The following CCDC102A variants were observed in gnomAD, a reference collection of about 807,000 sequenced individuals.
The protein encoded by CCDC102A is coiled-coil domain-containing protein 102A.
Under a neutral mutation model 55.5 loss-of-function variants are expected in CCDC102A, and 40 were observed. The observed-to-expected ratio is 0.72, with a 90% CI of 0.56 to 0.94. The LOEUF is 0.94. Among genes scored for constraint, CCDC102A ranks in the 40% least tolerant of loss-of-function variants. The pLI is 0.00. For synonymous variants in CCDC102A, 323 were observed against 339.0 expected (o/e 0.95, Z 0.52); for missense variants, 779 against 768.6 (o/e 1.01, Z -0.16).
chr16:57,527,578 C>A (rs1275556068), intron 2 of CCDC102A, among the ~76,000 whole-genome samples: 4 of 152,140 alleles, frequency 2.6e-5, no homozygotes, highest in Non-Finnish European at 5.9e-5. Flanking sequence ...CACCAGCATG[C>A]CCGACTAATT....
intron 1 of CCDC102A, among the ~76,000 whole-genome samples, chr16:57,533,349 G>A (rs529590847): frequency 6.6e-6 from 1 of 152,032 alleles, no homozygotes; most frequent in Non-Finnish European, 1.5e-5. Flanking sequence ...AGCACACCAG[G>A]AATCCTGCAC....
rs141272360 is a variant in CCDC102A, at chr16:57,526,012, C to G, written c.701G>C (p.Arg234Pro). 6.2e-6 allele frequency: 10 copies of G among 1,604,858 alleles called. No individual in the cohort carries two copies. The African/African-American group carries it at 1.3e-4, about 22-fold the overall frequency. Reference protein sequence around the residue: ...GPRGSSGRQERSRLPWEDTAA... With the variant: ...GPRGSSGRQEPSRLPWEDTAA... Reference sequence around the variant, plus strand: ...TGTGTCCTCCCAGGGTAGCCGGCTGCGCTCCTGGCGGCCTGAGCTGCCCCG... The same window carrying G: ...TGTGTCCTCCCAGGGTAGCCGGCTGGGCTCCTGGCGGCCTGAGCTGCCCCG... Residue 234 changes from arginine to proline, a missense_variant, in exon 3 of 9, where the codon CGC (arginine) becomes CCC (proline). Coordinates refer to ENST00000258214, the MANE Select transcript of CCDC102A (RefSeq NM_033212.4).
chr16:57,534,868 C>G (rs12051452), intron 1 of CCDC102A, among the ~76,000 whole-genome samples: 12,442 of 152,246 alleles, frequency 0.082, 675 homozygotes, highest in East Asian at 0.21. Flanking sequence ...CCTGGGGAAG[C>G]CTAATTGACC....
Position 57,529,350 on chromosome 16 carries a change from G to A in CCDC102A, c.-147-26C>T, listed in dbSNP as rs1312853433. On this transcript the variant is annotated intron_variant, in intron 1 of 8. Transcript: ENST00000258214. The surrounding 1 kb of genome is among the most constrained non-coding windows in gnomAD (Gnocchi z 4.1). Reference sequence around the variant, plus strand: ...CTACGGGAGAACACAACCGTTATTGGACTGCGACCACCGTCAGTCTCGAAG... The same window carrying A: ...CTACGGGAGAACACAACCGTTATTGAACTGCGACCACCGTCAGTCTCGAAG... The A allele has an allele frequency of 1.1e-6, 1 of 882,682 alleles. No individual in the cohort carries two copies. Among genetic ancestry groups the A allele is most frequent in the South Asian group, 5.5e-5 (1 of 18,054 alleles). 54.7% of individuals were successfully genotyped at this position (882,682 alleles called of 1,614,324 possible). A position where few individuals can be genotyped will look rare whatever the true frequency, so the allele number is the denominator to read the frequency against.
intron 3 of CCDC102A, among the ~76,000 whole-genome samples, chr16:57,525,626 C>T (rs554641872): frequency 6.6e-5 from 10 of 152,284 alleles, no homozygotes; most frequent in Non-Finnish European, 1.3e-4. Context: ...CTAGAAAGTA[C>T]GTTTCAGGAA....
intron 4 of CCDC102A, 44 bp downstream of exon 4, chr16:57,521,024 G>T (rs762942217): frequency 7.8e-7 from 1 of 1,286,106 alleles, no homozygotes; most frequent in Non-Finnish European, 1.1e-6. Context: ...TCAACAGCGC[G>T]ATCCTGCCGC....
upstream of CCDC102A, among the ~76,000 whole-genome samples, chr16:57,536,882 G>C (rs2032406129): frequency 1.3e-5 from 2 of 152,144 alleles, no homozygotes; most frequent in African/African-American, 4.8e-5. Flanking sequence ...TACGTACTAG[G>C]CGCCCCCAGC....
chr16:57,515,408 G>A lies in CCDC102A; in HGVS notation c.1456C>T (p.Arg486Trp), dbSNP rs779274880. The A allele has an allele frequency of 2.1e-5, 34 of 1,608,520 alleles. No homozygotes were observed. The highest frequency in any genetic ancestry group is 1.0e-4 in the South Asian group (9 of 90,132). ...TGCTCCGTCTGCTCGTCCAGCGACC[G>A]CTGCAGCTTACGTGCCTGGTTGTGG... ...EAHNQARKLQ[R>W]SLDEQTEQSE... Residue 486 changes from arginine (R) to tryptophan (W), a missense_variant, in exon 8 of 9, where the codon CGG (arginine) becomes TGG (tryptophan). By Grantham distance (101) the Arg-to-Trp change is moderately radical. Coordinates refer to ENST00000258214, the MANE Select transcript of CCDC102A (RefSeq NM_033212.4).
At chr16:57,535,451 C>T (rs1372166422) in intron 1 of CCDC102A, among the ~76,000 whole-genome samples, 4 of 152,264 alleles carry the variant, frequency 2.6e-5, no homozygotes, top group African/African-American at 2.4e-5. Flanking sequence ...ACACCGCGGA[C>T]CAGCAGCAAG....
chr16:57,536,563 T>A lies in CCDC102A; in HGVS notation c.-211A>T, dbSNP rs1425497368. 2 of 152,072 alleles carry A rather than the reference T, an allele frequency of 1.3e-5. No individual in the cohort carries two copies. 9.4% of individuals were successfully genotyped at this position (152,072 alleles called of 1,614,324 possible). A position where few individuals can be genotyped will look rare whatever the true frequency, so the allele number is the denominator to read the frequency against. ...CTGCGGCGGGGTAGAGCGGGCACCG[T>A]GCAGCTGCGACCGCCGCCGGAGGGG... On this transcript the variant is annotated 5_prime_UTR_variant, in exon 1 of 9. Coordinates refer to ENST00000258214, the MANE Select transcript of CCDC102A (RefSeq NM_033212.4).
At chr16:57,535,513 C>T (rs1278867153) in intron 1 of CCDC102A, among the ~76,000 whole-genome samples, 1 of 152,024 alleles carries the variant, frequency 6.6e-6, no homozygotes, top group African/African-American at 2.4e-5. Context: ...ATCTTAGCCA[C>T]CTGAGGGGCA....
rs2032003674 is a variant in CCDC102A at position 57,518,944 on chromosome 16, C to G, written c.922-203G>C. On this transcript the variant is annotated intron_variant, in intron 4 of 8. Transcript: ENST00000258214. ...GTCTCTCCTCCTCATTACTGTCTAG[C>G]CTCCCAGTGTCTACTCCTGGCCCTT... Among the ~76,000 whole-genome samples, 5 of 152,322 alleles carry G rather than the reference C, an allele frequency of 3.3e-5. No homozygotes were observed. In the South Asian group the frequency reaches 1.0e-3, roughly 32 times the overall value.
chr16:57,512,513 T>TGCGC lies in CCDC102A; in HGVS notation c.*224_*227dup, dbSNP rs540553651. On this transcript the variant is annotated 3_prime_UTR_variant, in exon 9 of 9. Transcript: ENST00000258214. Reference sequence around the variant, plus strand: ...AAATGGGTCCAAAGACTTCTGGGTGTGCGCGCGCGCGCGCGCGTGTGTGTA... The same window carrying TGCGC: ...AAATGGGTCCAAAGACTTCTGGGTGTGCGCGCGCGCGCGCGCGCGCGTGTGTGTA... The TGCGC allele has an allele frequency of 0.022, 9,263 of 429,464 alleles. 57 individuals carry two copies. The highest frequency in any genetic ancestry group is 0.024 in the East Asian group (684 of 28,196). The allele number at this position is 429,464 out of a possible 1,614,324, so 26.6% of individuals were successfully genotyped here. A position where few individuals can be genotyped will look rare whatever the true frequency, so the allele number is the denominator to read the frequency against.
intron 3 of CCDC102A, 29 bp downstream of exon 3, chr16:57,525,872 C>A: frequency 6.2e-7 from 1 of 1,602,832 alleles, no homozygotes; most frequent in African/African-American, 1.3e-5. Flanking sequence ...TGGCCCTGGC[C>A]CTGCCCCCTC....
At chr16:57,528,449 C>T in intron 2 of CCDC102A, 144 bp downstream of exon 2, 2 of 487,958 alleles carry the variant, frequency 4.1e-6, no homozygotes, top group Non-Finnish European at 5.6e-6. Context: ...ATGTGAGGCC[C>T]CGCAAGGGTA....
At chr16:57,527,173 A>AG (rs35695140) in intron 2 of CCDC102A, among the ~76,000 whole-genome samples, 77,986 of 152,052 alleles carry the variant, frequency 0.51, 23,468 homozygotes, top group African/African-American at 0.85. Flanking sequence ...AGAATAGAGG[A>AG]GGGGCAGTCT....
chr16:57,512,867 G>T lies in CCDC102A; in HGVS notation c.1527C>A (p.Leu509=), dbSNP rs1183480064. The T allele has an allele frequency of 1.9e-6, 3 of 1,613,130 alleles. No homozygotes were observed. The highest frequency in any genetic ancestry group is 2.5e-6 in the Non-Finnish European group (3 of 1,179,828). The change falls in exon 9 of 9, where the codon CTC becomes CTA. Residue 509 remains leucine, a synonymous_variant. Transcript: ENST00000258214. ...GGGGAGCGTTCTGCTGCTGCCTGCG[G>T]AGCCTGTGGGGTGGGGGTGACAGGA... ...QVQLEHLQSR[L]RRQQQNAPLF...
chr16:57,522,588 G>A (rs932519039), intron 3 of CCDC102A, among the ~76,000 whole-genome samples: 8 of 152,206 alleles, frequency 5.3e-5, no homozygotes, highest in South Asian at 2.1e-4. Flanking sequence ...ACCAAAGGCT[G>A]TTCATCTCTC....
chr16:57,525,581 C>T (rs1420837630), intron 3 of CCDC102A, among the ~76,000 whole-genome samples: 4 of 152,196 alleles, frequency 2.6e-5, no homozygotes, highest in African/African-American at 7.2e-5. Flanking sequence ...GTCTCCATTC[C>T]CTGCTTTTAC....
Sources: gnomAD v4.1 joint callset for allele counts (sites outside exome capture counted in the v4.1 genomes callset) on GRCh38, gnomAD v4.1.1 for gene constraint, Gnocchi (gnomAD v3.1) non-coding constraint, MANE v1.5 for transcripts, NCBI Gene and HGNC (gene_info 2026-07-23, HGNC 2026-07-21) for gene names.